Variants in PYROXD2 observed in about 807,000 individuals in gnomAD.
PYROXD2 encodes the protein pyridine nucleotide-disulfide oxidoreductase domain-containing protein 2.
Under a neutral mutation model 71.1 loss-of-function variants are expected in PYROXD2, and 69 were observed. That is an observed-to-expected ratio of 0.97 (90% CI 0.80 to 1.19). The LOEUF is 1.19. Among genes scored for constraint, PYROXD2 ranks in the 50% most tolerant of loss-of-function variants. PYROXD2 has a pLI of 0.00. For missense variants in PYROXD2, 745 were observed against 748.9 expected, an observed-to-expected ratio of 0.99 and a Z score of 0.06; for synonymous variants, 287 against 302.7, an observed-to-expected ratio of 0.95 and a Z score of 0.54.
chr10:98,399,366 C>T (rs1590958109), intron 5 of PYROXD2, among the ~76,000 whole-genome samples: 1 of 152,186 alleles, frequency 6.6e-6, no homozygotes, highest in Non-Finnish European at 1.5e-5. Flanking sequence ...TGATTTAATG[C>T]TACATCTCAG....
At chr10:98,403,582 G>A (rs935544543) in intron 4 of PYROXD2, among the ~76,000 whole-genome samples, 4 of 152,088 alleles carry the variant, frequency 2.6e-5, no homozygotes, top group African/African-American at 9.7e-5. Context: ...CTCTGCTCAC[G>A]CCTGCCTGGG....
chr10:98,391,576 G>T (rs1386114888), intron 10 of PYROXD2, among the ~76,000 whole-genome samples: 1 of 151,976 alleles, frequency 6.6e-6, no homozygotes, highest in Admixed American at 6.6e-5. Flanking sequence ...TGCAAAAACT[G>T]CCCCCAAAGC....
intron 14 of PYROXD2, among the ~76,000 whole-genome samples, chr10:98,386,298 G>A (rs1231274155): frequency 6.9e-6 from 1 of 145,198 alleles, no homozygotes; most frequent in Non-Finnish European, 1.5e-5. Flanking sequence ...AGAGAGGGAG[G>A]GAGGGAGGGA....
At chr10:98,397,174 A>C (rs1349161545) in intron 6 of PYROXD2, among the ~76,000 whole-genome samples, 171 bp downstream of exon 6, 1 of 152,226 alleles carries the variant, frequency 6.6e-6, no homozygotes, top group Non-Finnish European at 1.5e-5. Context: ...ATATCAGCCT[A>C]AGATGCTCTC....
At chr10:98,388,236 T>A in intron 13 of PYROXD2, 118 bp downstream of exon 13, 1 of 1,002,274 alleles carries the variant, frequency 1.0e-6, no homozygotes, top group Admixed American at 2.0e-5. Flanking sequence ...GACTATTTCC[T>A]CCCTTTGGAA....
At chr10:98,410,290 TG>T (rs1424161886) in intron 2 of PYROXD2, among the ~76,000 whole-genome samples, 1 of 152,194 alleles carries the variant, frequency 6.6e-6, no homozygotes, top group East Asian at 1.9e-4. Context: ...ACATTTGTTT[TG>T]TGGCCTTGAA....
intron 15 of PYROXD2, 115 bp downstream of exon 15, chr10:98,384,832 C>T (rs1842698530): frequency 2.1e-6 from 3 of 1,395,774 alleles, no homozygotes; most frequent in East Asian, 2.6e-5. Flanking sequence ...TTGGGAGTTC[C>T]CTGCTCCCCT....
rs113707426 is a variant in PYROXD2, at chr10:98,410,938, C to T, written c.147+1G>A. The T allele has an allele frequency of 6.4e-7, 1 of 1,564,174 alleles. No homozygotes were observed. On this transcript the variant is annotated splice_donor_variant, in intron 2 of 15. Transcript: ENST00000370575. LOFTEE classifies it high-confidence loss of function. ...GTGGGATCAAGTGGGGAGGTACTCA[C>T]AGCCACCAGTCCGTTGTGTCCTGCA...
chr10:98,390,650 G>T lies in PYROXD2; in HGVS notation c.1240C>A (p.Leu414Ile). Residue 414 changes from leucine to isoleucine, a missense_variant, in exon 12 of 16, where the codon CTC (leucine) becomes ATC (isoleucine). Physicochemically the swap from Leu to Ile is conservative, Grantham distance 5. Coordinates refer to ENST00000370575, the MANE Select transcript of PYROXD2 (RefSeq NM_032709.3). ...TCTTCAAAGGCCTGATGAAGGAGGAGGGTGTCTTCACAGTTCAGGTGGATG... is the reference window on the plus strand; with the variant it reads ...TCTTCAAAGGCCTGATGAAGGAGGATGGTGTCTTCACAGTTCAGGTGGATG... ...CSIHLNCEDT[L>I]LLHQAFEDAM... 1 of 1,612,100 alleles carries T rather than the reference G, an allele frequency of 6.2e-7. No homozygotes were observed. Among genetic ancestry groups the T allele is most frequent in the Non-Finnish European group, 8.5e-7 (1 of 1,178,726 alleles).
At chr10:98,402,194 C>A (rs906270430) in intron 4 of PYROXD2, among the ~76,000 whole-genome samples, 3 of 152,142 alleles carry the variant, frequency 2.0e-5, no homozygotes, top group African/African-American at 7.2e-5. Context: ...TGGCACATGG[C>A]TGTCTTATTA....
chr10:98,387,438 A>G, intron 13 of PYROXD2, 131 bp from the exon 14 acceptor site: 2 of 632,482 alleles, frequency 3.2e-6, no homozygotes, highest in Non-Finnish European at 5.6e-6. Context: ...TCATATGCAA[A>G]TTATACCTCA....
intron 5 of PYROXD2, among the ~76,000 whole-genome samples, chr10:98,398,772 C>T (rs752647226): frequency 9.9e-5 from 15 of 152,188 alleles, no homozygotes; most frequent in South Asian, 4.2e-4. Flanking sequence ...AGGATTTGGA[C>T]GAGAGGATGC....
At chr10:98,414,056 CAT>C (rs1843880676) in intron 1 of PYROXD2, 1 of 151,834 alleles carries the variant, frequency 6.6e-6, no homozygotes, top group Non-Finnish European at 1.5e-5. Context: ...GTACGTAACA[CAT>C]ATACATATAT....
At position 98,405,001 on chromosome 10, in the gene PYROXD2, G is replaced by A. The variant is rs145942906; in HGVS notation, c.315+2581C>T. ...GAGACCCAGAAGGTCAGTGAGGGAGGGGAGGGAGGATGGGATTGCCTCTGG... is the reference window on the plus strand; with the variant it reads ...GAGACCCAGAAGGTCAGTGAGGGAGAGGAGGGAGGATGGGATTGCCTCTGG... On this transcript the variant is annotated intron_variant, in intron 4 of 15. Coordinates refer to ENST00000370575, the MANE Select transcript of PYROXD2 (RefSeq NM_032709.3). Among the ~76,000 whole-genome samples the A allele has an allele frequency of 4.2e-3, 635 of 152,310 alleles. 2 individuals carry two copies. Among genetic ancestry groups the A allele is most frequent in the South Asian group, 0.014 (69 of 4,822 alleles).
intron 4 of PYROXD2, among the ~76,000 whole-genome samples, chr10:98,403,682 C>A (rs1232013832): frequency 6.6e-6 from 1 of 152,162 alleles, no homozygotes. Flanking sequence ...AATACCAGCT[C>A]AAATGTCACC....
intron 8 of PYROXD2, among the ~76,000 whole-genome samples, chr10:98,394,701 G>A (rs187439765): frequency 6.6e-6 from 1 of 152,100 alleles, no homozygotes; most frequent in East Asian, 1.9e-4. Context: ...TAAAGAAAAA[G>A]GCAGCTTCCT....
chr10:98,414,569 G>A (rs1397621398), intron 1 of PYROXD2, among the ~76,000 whole-genome samples: 2 of 152,194 alleles, frequency 1.3e-5, no homozygotes, highest in South Asian at 4.1e-4. Flanking sequence ...GGCCTCAGTG[G>A]TAAGGTAGTG....
At chr10:98,396,456 T>C (rs894943518) in intron 6 of PYROXD2, among the ~76,000 whole-genome samples, 8 of 151,508 alleles carry the variant, frequency 5.3e-5, no homozygotes, top group Non-Finnish European at 8.8e-5. Flanking sequence ...CACGAAGACA[T>C]GTGGGAAACA....
intron 1 of PYROXD2, chr10:98,411,963 G>A (rs1195698905): frequency 6.6e-6 from 1 of 152,222 alleles, no homozygotes; most frequent in Non-Finnish European, 1.5e-5. Flanking sequence ...GATGGAATCT[G>A]TCTCTCAAAG....
Sources: gnomAD v4.1 joint callset for allele counts (sites outside exome capture counted in the v4.1 genomes callset) on GRCh38, gnomAD v4.1.1 for gene constraint, MANE v1.5 for transcripts, NCBI Gene and HGNC (gene_info 2026-07-23, HGNC 2026-07-21) for gene names.